CFAP46: variants seen among roughly 807,000 people sequenced by gnomAD.
The protein encoded by CFAP46 is cilia- and flagella-associated protein 46.
CFAP46 carries 245 observed loss-of-function variants against 325.7 expected under a neutral mutation model. That is an observed-to-expected ratio of 0.75 (90% CI 0.68 to 0.84). The LOEUF is 0.84. Ranked by LOEUF, CFAP46 falls within the 40% of genes least tolerant of loss-of-function variation. The pLI is 0.00. For missense variants in CFAP46, 3,346 were observed against 3,543.0 expected (o/e 0.94, Z 1.41); for synonymous variants, 1,523 against 1,495.9 (o/e 1.02, Z -0.42).
intron 17 of CFAP46, 106 bp from the exon 18 acceptor site, chr10:132,913,364 G>T: frequency 9.8e-6 from 6 of 611,016 alleles, no homozygotes; most frequent in Admixed American, 3.0e-5. Context: ...AGGGCAAGAA[G>T]TGGGAGGGGC....
intron 50 of CFAP46, among the ~76,000 whole-genome samples, chr10:132,819,381 A>G (rs1847754010): frequency 1.3e-5 from 2 of 152,264 alleles, no homozygotes; most frequent in South Asian, 4.1e-4. Context: ...TTTGACAGAA[A>G]TAGAAAAGCA....
At chr10:132,813,200 G>C (rs1156919826) in intron 54 of CFAP46, among the ~76,000 whole-genome samples, 1 of 152,058 alleles carries the variant, frequency 6.6e-6, no homozygotes, top group Non-Finnish European at 1.5e-5. Flanking sequence ...CAATGGCCCA[G>C]CACCTGGAGG....
intron 16 of CFAP46, among the ~76,000 whole-genome samples, chr10:132,917,458 G>A (rs1212141448): frequency 6.6e-6 from 1 of 152,258 alleles, no homozygotes. Flanking sequence ...GGCGAGCCCG[G>A]GAGTCTCTGA....
At position 132,828,472 on chromosome 10, in the gene CFAP46, G is replaced by T. The variant is rs535402936; in HGVS notation, c.7117+4886C>A. ...TAATGATGTCGGGCATCCTTCCATC[G>T]TACTTTGTTTGCTATCTAAATCTTT... On this transcript the variant is annotated intron_variant, in intron 50 of 57. Coordinates refer to ENST00000368586, the MANE Select transcript of CFAP46 (RefSeq NM_001200049.3). The surrounding 1 kb of genome is among the most constrained non-coding windows in gnomAD (Gnocchi z 4.9). Among the ~76,000 whole-genome samples the T allele has an allele frequency of 2.0e-5, 3 of 152,098 alleles. No homozygotes were observed. The highest frequency in any genetic ancestry group is 7.3e-5 in the African/African-American group (3 of 41,376).
chr10:132,851,704 C>T (rs999856018), intron 39 of CFAP46, among the ~76,000 whole-genome samples: 1 of 152,098 alleles, frequency 6.6e-6, no homozygotes, highest in East Asian at 1.9e-4. Context: ...TTCCCTCTCA[C>T]AGCCGGCGTC....
At chr10:132,824,838 G>C (rs1388563660) in intron 50 of CFAP46, among the ~76,000 whole-genome samples, 2 of 144,330 alleles carry the variant, frequency 1.4e-5, no homozygotes, top group African/African-American at 5.2e-5. Flanking sequence ...GCTGTGTGCT[G>C]TGTGAGCGCT....
rs775602134 is a variant in CFAP46, at chr10:132,867,416, C to T, written c.4702G>A (p.Val1568Ile). Reference sequence around the variant, plus strand: ...AGTGGTTTGATCTCCCCAGGCTGGACAGGAAGTGTCTGCTCATTCAGTGCT... The same window carrying T: ...AGTGGTTTGATCTCCCCAGGCTGGATAGGAAGTGTCTGCTCATTCAGTGCT... ...LPALNEQTLP[V>I]QPGEIKPLDA... Residue 1568 changes from valine (V) to isoleucine (I), a missense_variant, in exon 34 of 58, where the codon GTC (valine) becomes ATC (isoleucine). Physicochemically the swap from Val to Ile is conservative, Grantham distance 29. Coordinates refer to ENST00000368586, the MANE Select transcript of CFAP46 (RefSeq NM_001200049.3). The T allele has an allele frequency of 1.6e-4, 254 of 1,550,474 alleles. No individual in the cohort carries two copies. The highest frequency in any genetic ancestry group is 2.2e-4 in the Non-Finnish European group (250 of 1,147,012).
At chr10:132,812,100 T>C (rs113985697) in intron 55 of CFAP46, among the ~76,000 whole-genome samples, 5 of 152,318 alleles carry the variant, frequency 3.3e-5, no homozygotes, top group African/African-American at 9.6e-5. Flanking sequence ...GGCACAAGGC[T>C]GAGCCACGCC....
At position 132,851,091 on chromosome 10, in the gene CFAP46, C is replaced by A. The variant is rs542929926; in HGVS notation, c.5763+26G>T. The A allele has an allele frequency of 1.9e-6, 3 of 1,612,432 alleles. No homozygotes were observed. In the East Asian group the frequency reaches 6.7e-5, roughly 36 times the overall value. Reference sequence around the variant, plus strand: ...CACTGTGGCCTGGCGCTCCCTCCACCGGGAATCTGTGACCCCAGCAATTAC... The same window carrying A: ...CACTGTGGCCTGGCGCTCCCTCCACAGGGAATCTGTGACCCCAGCAATTAC... On this transcript the variant is annotated intron_variant, in intron 40 of 57. Coordinates refer to ENST00000368586, the MANE Select transcript of CFAP46 (RefSeq NM_001200049.3).
chr10:132,849,950 G>C (rs868466894), intron 41 of CFAP46, among the ~76,000 whole-genome samples: 3 of 150,636 alleles, frequency 2.0e-5, no homozygotes, highest in Non-Finnish European at 4.5e-5. Flanking sequence ...CACAGGGCTT[G>C]ATTGGGGCGG....
At chr10:132,896,940 G>C (rs1012652453) in intron 24 of CFAP46, among the ~76,000 whole-genome samples, 1 of 151,978 alleles carries the variant, frequency 6.6e-6, no homozygotes, top group Admixed American at 6.6e-5. Flanking sequence ...ATAGAATAGA[G>C]AGCCCCAAAA....
intron 17 of CFAP46, among the ~76,000 whole-genome samples, chr10:132,913,710 C>T (rs374801222): frequency 5.7e-4 from 87 of 152,290 alleles, no homozygotes; most frequent in East Asian, 5.0e-3. Flanking sequence ...CACCCGCCCT[C>T]GCTAAAGAGA....
intron 8 of CFAP46, 60 bp from the exon 9 acceptor site, chr10:132,929,864 A>G: frequency 3.2e-6 from 4 of 1,238,492 alleles, no homozygotes; most frequent in Non-Finnish European, 3.5e-6. Context: ...ACATGGCTGC[A>G]GGCGAGAATC....
At chr10:132,812,701 G>C in intron 55 of CFAP46, 84 bp downstream of exon 55, 1 of 948,074 alleles carries the variant, frequency 1.1e-6, no homozygotes, top group Non-Finnish European at 1.7e-6. Flanking sequence ...GGCAGCACCA[G>C]CAGGTGACAG....
In CFAP46 at chr10:132,910,006, G is replaced by C. The variant is rs1251833069; in HGVS notation, c.2562C>G (p.Gly854=). 6.5e-7 allele frequency: 1 copy of C among 1,543,174 alleles called. No individual in the cohort carries two copies. Among genetic ancestry groups the C allele is most frequent in the Non-Finnish European group, 8.7e-7 (1 of 1,144,170 alleles). Residue 854 remains glycine (G), a synonymous_variant, in exon 20 of 58, where the codon GGC becomes GGG. Coordinates refer to ENST00000368586, the MANE Select transcript of CFAP46 (RefSeq NM_001200049.3). Reference sequence around the variant, plus strand: ...AGGTGGCGATAAGCTGCTGCCGGGTGCCGGTGGGCACCGTCTCCTCGGGCG... The same window carrying C: ...AGGTGGCGATAAGCTGCTGCCGGGTCCCGGTGGGCACCGTCTCCTCGGGCG... The part of the protein sequence containing the change: ...GSAPEETVPT[G]TRQQLIATWV...
At chr10:132,826,672 G>A (rs113980209) in intron 50 of CFAP46, among the ~76,000 whole-genome samples, 55 of 116,312 alleles carry the variant, frequency 4.7e-4, no homozygotes, top group Admixed American at 2.7e-4. Flanking sequence ...GGGAGGAGCC[G>A]GAGCCACGGA....
intron 50 of CFAP46, among the ~76,000 whole-genome samples, chr10:132,825,227 T>C (rs1848023782): frequency 6.7e-6 from 1 of 150,344 alleles, no homozygotes; most frequent in Non-Finnish European, 1.5e-5. Context: ...CCCTGATGTG[T>C]GCTGTGTGTG....
intron 41 of CFAP46, among the ~76,000 whole-genome samples, chr10:132,848,813 C>T (rs1174709838): frequency 1.3e-5 from 2 of 152,148 alleles, no homozygotes; most frequent in South Asian, 4.1e-4. Context: ...TGTGTCCACG[C>T]GCCTTAATTT....
intron 54 of CFAP46, among the ~76,000 whole-genome samples, chr10:132,813,263 C>T (rs1847618021): frequency 6.6e-6 from 1 of 152,064 alleles, no homozygotes; most frequent in Non-Finnish European, 1.5e-5. Flanking sequence ...GACCAGGGTT[C>T]CCTCCTTCCA....
Sources: allele counts gnomAD v4.1 joint callset (sites outside exome capture counted in the v4.1 genomes callset), GRCh38; gene constraint gnomAD v4.1.1; non-coding constraint Gnocchi (gnomAD v3.1); transcripts MANE v1.5; gene names NCBI Gene and HGNC (gene_info 2026-07-23, HGNC 2026-07-21).